Variants in COMMD1 observed in about 807,000 individuals in gnomAD.
COMMD1 encodes the protein COMM domain-containing protein 1.
In COMMD1, 10 loss-of-function variants were observed where a neutral mutation model predicts 17.2. The ratio of observed to expected loss-of-function variants is 0.58; its 90% confidence interval spans 0.36 to 0.99. The LOEUF (loss-of-function observed/expected upper bound fraction) is 0.99, where lower values mean the gene tolerates loss of function less well. COMMD1 is among the 50% of genes least tolerant of loss of function. The pLI is 0.01. For missense variants in COMMD1, 270 were observed against 231.8 expected (o/e 1.17, Z -1.07); for synonymous variants, 97 against 91.6 (o/e 1.06, Z -0.34).
intron 2 of COMMD1, among the ~76,000 whole-genome samples, chr2:62,122,060 G>A (rs115297337): frequency 0.012 from 1,776 of 152,276 alleles, 37 homozygotes; most frequent in African/African-American, 0.041. Flanking sequence ...CAAAGTGCTA[G>A]GAAATATAGG....
rs574486969 is a variant in COMMD1 at position 62,106,637 on chromosome 2, G to A, written c.463-29194G>A. On this transcript the variant is annotated intron_variant, in intron 2 of 2. Transcript: ENST00000311832. ...AGACAGAGATAATAGTTTTTGAGAC[G>A]TAGAGTCGTCTCAGGATTTTCAACG... Among the ~76,000 whole-genome samples the A allele has an allele frequency of 8.5e-5, 13 of 152,348 alleles. No homozygotes were observed. In the South Asian group the frequency reaches 1.9e-3, roughly 22 times the overall value.
At chr2:61,976,779 A>G (rs999678879) in intron 1 of COMMD1, among the ~76,000 whole-genome samples, 7 of 152,102 alleles carry the variant, frequency 4.6e-5, no homozygotes, top group African/African-American at 1.7e-4. Flanking sequence ...GTAGATAATG[A>G]TATGTCATTA....
At chr2:61,893,669 C>G (rs537663277) in intron 1 of COMMD1, among the ~76,000 whole-genome samples, 2 of 152,206 alleles carry the variant, frequency 1.3e-5, no homozygotes, top group African/African-American at 4.8e-5. Flanking sequence ...CAAAAATTAG[C>G]TGGGCATGGT....
chr2:61,928,086 C>T (rs1192808840), intron 1 of COMMD1, among the ~76,000 whole-genome samples: 1 of 151,466 alleles, frequency 6.6e-6, no homozygotes, highest in Admixed American at 6.6e-5. Context: ...TCTTAAAGAC[C>T]AGTGTGATAG....
At chr2:62,009,267 G>A (rs921570586) in intron 2 of COMMD1, among the ~76,000 whole-genome samples, 41 of 151,922 alleles carry the variant, frequency 2.7e-4, no homozygotes, top group Admixed American at 6.6e-4. Context: ...TGAATTTAAA[G>A]GTATAATTTA....
intron 2 of COMMD1, among the ~76,000 whole-genome samples, chr2:62,014,151 C>G (rs1237376400): frequency 6.6e-6 from 1 of 152,268 alleles, no homozygotes. Context: ...CTGCTGAAGT[C>G]CTCAGCCTCT....
At chr2:61,901,799 C>T (rs1337576414), upstream of COMMD1, among the ~76,000 whole-genome samples, 2 of 152,132 alleles carry the variant, frequency 1.3e-5, no homozygotes, top group East Asian at 1.9e-4. Flanking sequence ...GAATAAACTT[C>T]CAGACTTTTT....
chr2:61,903,337 G>C (rs72891739), upstream of COMMD1, among the ~76,000 whole-genome samples: 46,818 of 151,438 alleles, frequency 0.31, 7,353 homozygotes, highest in South Asian at 0.33. Flanking sequence ...CCAGCTACTT[G>C]GGAGGCTGAG....
intron 2 of COMMD1, chr2:62,090,773 T>C (rs1156544873): frequency 5.9e-5 from 9 of 152,218 alleles, no homozygotes. Flanking sequence ...TTTGAGGGCA[T>C]AGCCATTCTC....
chr2:62,029,233 A>G (rs1403216447), intron 2 of COMMD1, among the ~76,000 whole-genome samples: 1 of 152,152 alleles, frequency 6.6e-6, no homozygotes, highest in Non-Finnish European at 1.5e-5. Flanking sequence ...CTTTGGGCAC[A>G]GTTACCAATT....
intron 2 of COMMD1, among the ~76,000 whole-genome samples, chr2:62,052,263 C>G (rs1044808815): frequency 1.3e-5 from 2 of 152,130 alleles, no homozygotes; most frequent in Non-Finnish European, 2.9e-5. Flanking sequence ...CCAGCCTTGG[C>G]AACATGGTGA....
upstream of COMMD1, among the ~76,000 whole-genome samples, chr2:61,903,555 CTT>C (rs766745369): frequency 7.7e-5 from 11 of 143,188 alleles, no homozygotes; most frequent in Admixed American, 7.0e-5. Context: ...TCAGTTGTCA[CTT>C]TTTTTTTTTT....
chr2:62,097,742 C>T (rs1022483421), intron 2 of COMMD1, among the ~76,000 whole-genome samples: 5 of 152,192 alleles, frequency 3.3e-5, no homozygotes, highest in Non-Finnish European at 5.9e-5. Context: ...TGGACTTTTT[C>T]TTTACTCCAA....
intron 1 of COMMD1, among the ~76,000 whole-genome samples, chr2:61,990,947 CA>C (rs1312620747): frequency 1.5e-5 from 2 of 136,358 alleles, no homozygotes; most frequent in Non-Finnish European, 3.2e-5. Flanking sequence ...CACATAATGC[CA>C]GGCATGGTGG....
At chr2:61,982,861 G>C (rs1231736770) in intron 1 of COMMD1, among the ~76,000 whole-genome samples, 1 of 152,106 alleles carries the variant, frequency 6.6e-6, no homozygotes, top group African/African-American at 2.4e-5. Flanking sequence ...TAGCATTCCT[G>C]GGATAAATCC....
chr2:62,034,796 T>TA lies in COMMD1; in HGVS notation c.462+33824dup, dbSNP rs529251039. Among the ~76,000 whole-genome samples, 451 of 149,450 alleles carry TA rather than the reference T, an allele frequency of 3.0e-3. 2 individuals carry two copies. Among genetic ancestry groups the TA allele is most frequent in the Non-Finnish European group, 5.1e-3 (339 of 67,052 alleles). ...TTTGATTTCTAAGGAGAAACAGTTT[T>TA]AAAAAAAAAAGTCTCATCCTATGTT... On this transcript the variant is annotated intron_variant, in intron 2 of 2. Transcript: ENST00000311832.
chr2:61,942,915 A>G (rs1035925500), intron 1 of COMMD1, among the ~76,000 whole-genome samples: 1 of 152,134 alleles, frequency 6.6e-6, no homozygotes, highest in African/African-American at 2.4e-5. Context: ...ATATGTGTAC[A>G]TATACCTAAA....
chr2:62,020,800 G>A (rs1012615350), intron 2 of COMMD1, among the ~76,000 whole-genome samples: 1 of 152,090 alleles, frequency 6.6e-6, no homozygotes, highest in East Asian at 1.9e-4. Context: ...AGGAGTTCGA[G>A]ACCAGCCTGA....
At chr2:61,957,986 C>G (rs1671239538) in intron 1 of COMMD1, among the ~76,000 whole-genome samples, 1 of 152,058 alleles carries the variant, frequency 6.6e-6, no homozygotes, top group Non-Finnish European at 1.5e-5. Flanking sequence ...TTGTGACTGT[C>G]ATTTAAGATT....
Sources: gnomAD v4.1 joint callset for allele counts (sites outside exome capture counted in the v4.1 genomes callset) on GRCh38, gnomAD v4.1.1 for gene constraint, MANE v1.5 for transcripts, NCBI Gene and HGNC (gene_info 2026-07-23, HGNC 2026-07-21) for gene names.